The following NBPF11 variants were observed in gnomAD, a reference collection of about 807,000 sequenced individuals.
The protein encoded by NBPF11 is NBPF member 11.
In NBPF11, 72 loss-of-function variants were observed where a neutral mutation model predicts 93.9. The observed-to-expected ratio is 0.77, with a 90% CI of 0.63 to 0.93. The LOEUF (loss-of-function observed/expected upper bound fraction) is 0.93, where lower values mean the gene tolerates loss of function less well. Ranked by LOEUF, NBPF11 falls within the 40% of genes least tolerant of loss-of-function variation. The pLI is 0.00. For synonymous variants in NBPF11, 224 were observed against 304.9 expected (o/e 0.73, Z 2.76); for missense variants, 705 against 802.2 (o/e 0.88, Z 1.46).
rs1312865499 is a variant in NBPF11, at chr1:148,109,566, G to A, written c.1802-231C>T. The stretch of plus-strand genomic sequence containing the variant: ...TGTGTTGGAATGTTATTTTCCCTAT[G>A]TGCTCTGTCCTAGGTTTATGTACAC... On this transcript the variant is annotated intron_variant, in intron 16 of 23. Coordinates refer to ENST00000682118, the MANE Select transcript of NBPF11 (RefSeq NM_001385469.3). Among the ~76,000 whole-genome samples, 38 of 147,158 alleles carry A rather than the reference G, an allele frequency of 2.6e-4. No homozygotes were observed. In the East Asian group the frequency reaches 7.0e-3, roughly 27 times the overall value.
At chr1:148,148,225 GC>G (rs1198033705) in intron 1 of NBPF11, among the ~76,000 whole-genome samples, 8 of 152,374 alleles carry the variant, frequency 5.3e-5, no homozygotes, top group South Asian at 2.1e-4. Context: ...GGGATTCCAG[GC>G]CAGGGACGGG....
Position 148,110,276 on chromosome 1 carries a change from G to A in NBPF11, c.1801+102C>T. On this transcript the variant is annotated intron_variant, in intron 16 of 23. Coordinates refer to ENST00000682118, the MANE Select transcript of NBPF11 (RefSeq NM_001385469.3). ...TTGATATATAGGTTCAGCCCACAGT[G>A]ATGGCAACTCTCAGCCCAACCAGGG... 4.7e-6 allele frequency: 7 copies of A among 1,493,422 alleles called. 1 individual carries two copies. The highest frequency in any genetic ancestry group is 6.5e-6 in the Non-Finnish European group (7 of 1,076,436). 92.5% of individuals were successfully genotyped at this position (1,493,422 alleles called of 1,614,324 possible).
chr1:148,139,595 T>C (rs1391132311), intron 2 of NBPF11, among the ~76,000 whole-genome samples: 2 of 144,022 alleles, frequency 1.4e-5, no homozygotes, highest in Non-Finnish European at 3.0e-5. Flanking sequence ...GGGACTTTTA[T>C]AACAAGTAAT....
chr1:148,127,601 T>TA (rs1185221436), intron 4 of NBPF11, among the ~76,000 whole-genome samples: 20 of 127,364 alleles, frequency 1.6e-4, no homozygotes, highest in Non-Finnish European at 2.5e-4. Context: ...AAGTCATAAA[T>TA]AAAAAAATGG....
chr1:148,105,524 T>G lies in NBPF11; in HGVS notation c.2308A>C (p.Ser770Arg). 2.3e-6 allele frequency: 2 copies of G among 866,150 alleles called. No homozygotes were observed. The highest frequency in any genetic ancestry group is 1.9e-6 in the Non-Finnish European group (1 of 534,446). 53.7% of individuals were successfully genotyped at this position (866,150 alleles called of 1,614,324 possible). A position where few individuals can be genotyped will look rare whatever the true frequency, so the allele number is the denominator to read the frequency against. ...EDQGPPCPRL[S>R]RELLEVVEPE... ...TCTACTACCTCCAGCAGCTCCCTGC[T>G]GAGCCTGGAAAAGGAGGAAAAAGTA... The change falls in exon 22 of 24, where the codon AGC becomes CGC. Residue 770 changes from serine to arginine, a missense_variant. Around this residue, in one of 12 missense-constraint regions of NBPF11, gnomAD observed 109 missense variants for 83.3 expected, o/e 1.31. Transcript: ENST00000682118.
rs1667744426 is a variant in NBPF11 at position 148,121,229 on chromosome 1, A to T, written c.779-519T>A. ...CAGCTAATTTTTGTATTTTTAGTAG[A>T]GATGGGGTTTCGCCATCTTGGACAG... On this transcript the variant is annotated intron_variant, in intron 9 of 23. Coordinates refer to ENST00000682118, the MANE Select transcript of NBPF11 (RefSeq NM_001385469.3). 3.3e-5 allele frequency among the ~76,000 whole-genome samples: 5 copies of T among 151,596 alleles called. No individual in the cohort carries two copies. In the South Asian group the frequency reaches 1.0e-3, roughly 31 times the overall value.
intron 1 of NBPF11, among the ~76,000 whole-genome samples, chr1:148,150,030 T>C (rs1401880392): frequency 4.6e-5 from 7 of 151,806 alleles, no homozygotes; most frequent in Non-Finnish European, 8.8e-5. Flanking sequence ...TATGTAATAC[T>C]AAAGTTTTAT....
At position 148,144,576 on chromosome 1, in the gene NBPF11, C is replaced by T. The variant is rs1179279687; in HGVS notation, c.-548-890G>A. On this transcript the variant is annotated intron_variant, in intron 1 of 23. Coordinates refer to ENST00000682118, the MANE Select transcript of NBPF11 (RefSeq NM_001385469.3). ...AGCTTATATTGAAAATGAGATTGAA[C>T]ACATACAAAAAAAAATAATAACAAT... 1.8e-4 allele frequency among the ~76,000 whole-genome samples: 27 copies of T among 151,248 alleles called. No homozygotes were observed. In the South Asian group the frequency reaches 5.2e-3, roughly 29 times the overall value.
At chr1:148,141,599 T>C (rs1341834471) in intron 2 of NBPF11, among the ~76,000 whole-genome samples, 23,781 of 148,386 alleles carry the variant, frequency 0.16, 2,108 homozygotes, top group East Asian at 0.28. Flanking sequence ...GAGATTTCAA[T>C]GCCTATGCCA....
At chr1:148,124,174 C>G in intron 6 of NBPF11, 107 bp from the exon 7 acceptor site, 1 of 831,206 alleles carries the variant, frequency 1.2e-6, no homozygotes, top group African/African-American at 1.7e-5. Flanking sequence ...GACCTTCAAG[C>G]AGAAGGTCAG....
chr1:148,138,263 C>G (rs1271085935), intron 2 of NBPF11, among the ~76,000 whole-genome samples: 1 of 151,110 alleles, frequency 6.6e-6, no homozygotes, highest in East Asian at 2.0e-4. Flanking sequence ...AATATACAAT[C>G]GGGCTTTACA....
At chr1:148,138,600 C>T (rs1430622462) in intron 2 of NBPF11, among the ~76,000 whole-genome samples, 1 of 151,488 alleles carries the variant, frequency 6.6e-6, no homozygotes, top group Admixed American at 6.6e-5. Context: ...TTTAACAAAG[C>T]ACACCCTGAA....
chr1:148,121,513 A>G (rs1226491256), intron 9 of NBPF11, among the ~76,000 whole-genome samples: 1 of 150,514 alleles, frequency 6.6e-6, no homozygotes, highest in African/African-American at 2.5e-5. Flanking sequence ...GCGCCCAGCT[A>G]ATTTCTTTTT....
chr1:148,106,230 T>A lies in NBPF11; in HGVS notation c.2254A>T (p.Ile752Phe), dbSNP rs1663579539. 1 of 800,896 alleles carries A rather than the reference T, an allele frequency of 1.2e-6. No individual in the cohort carries two copies. The allele number at this position is 800,896 out of a possible 1,614,324, so 49.6% of individuals were successfully genotyped here. Residue 752 changes from isoleucine (I) to phenylalanine (F), a missense_variant and splice_region_variant, in exon 21 of 24, where the codon ATT becomes TTT. This residue lies in a region of NBPF11 where 109 missense variants were observed against 83.3 expected (regional missense o/e 1.31). Transcript: ENST00000682118. ...YLGLALDVDR[I>F]KKDQEEEEDQ... ...TCTTCCTCTTCTTGGTCCTTTTTAATTCCTGCAATACATTCAGACAGGGAC... is the reference window on the plus strand; with the variant it reads ...TCTTCCTCTTCTTGGTCCTTTTTAAATCCTGCAATACATTCAGACAGGGAC...
At position 148,120,673 on chromosome 1, in the gene NBPF11, C is replaced by A. The variant is rs1355382823; in HGVS notation, c.816G>T (p.Met272Ile). The change falls in exon 10 of 24, where the codon ATG becomes ATT. Residue 272 changes from methionine to isoleucine, a missense_variant. Coordinates refer to ENST00000682118, the MANE Select transcript of NBPF11 (RefSeq NM_001385469.3). ...TGGACAAAGGGCCGGCTGATACCAC[C>A]ATGCTGACGTTTGTGGCAGAAGAGG... is the stretch of plus-strand genomic sequence containing the variant. ...GPTSSATNVS[M>I]VVSAGPLSSE... 7.2e-6 allele frequency: 11 copies of A among 1,535,112 alleles called. No individual in the cohort carries two copies. The Admixed American group carries it at 1.8e-4, about 26-fold the overall frequency.
chr1:148,140,048 C>T (rs1476436703), intron 2 of NBPF11, among the ~76,000 whole-genome samples: 1 of 151,662 alleles, frequency 6.6e-6, no homozygotes, highest in Non-Finnish European at 1.5e-5. Context: ...TACAGTAACC[C>T]AAATAGTGTG....
At chr1:148,148,350 A>G (rs1351173110) in intron 1 of NBPF11, among the ~76,000 whole-genome samples, 2 of 152,090 alleles carry the variant, frequency 1.3e-5, no homozygotes, top group African/African-American at 2.4e-5. Context: ...GTGTGGGAGG[A>G]GAGTTGTGGG....
intron 1 of NBPF11, chr1:148,149,159 A>T: frequency 6.3e-7 from 1 of 1,588,778 alleles, no homozygotes; most frequent in Non-Finnish European, 8.5e-7. Context: ...CGGCGCCGCC[A>T]GGTACGGCAT....
intron 20 of NBPF11, among the ~76,000 whole-genome samples, chr1:148,106,700 TGA>T (rs1361391627): frequency 6.7e-6 from 1 of 148,736 alleles, no homozygotes; most frequent in Non-Finnish European, 1.5e-5. Context: ...TCCAATGTGC[TGA>T]GAGTGGGCTC....
Sources: gnomAD v4.1 joint callset for allele counts (sites outside exome capture counted in the v4.1 genomes callset) on GRCh38, gnomAD v4.1.1 for gene constraint, gnomAD v4.1.1 regional missense constraint, MANE v1.5 for transcripts, NCBI Gene and HGNC (gene_info 2026-07-23, HGNC 2026-07-21) for gene names.